The following EBF2 variants were observed in gnomAD, a reference collection of about 807,000 sequenced individuals.
EBF2 encodes the protein EBF transcription factor 2, also known as transcription factor COE2.
A neutral mutation model predicts 72.8 loss-of-function variants in EBF2; 21 were observed. The ratio of observed to expected loss-of-function variants is 0.29; its 90% CI spans 0.20 to 0.42. EBF2 has a LOEUF of 0.42. EBF2 is among the 10% of genes least tolerant of loss of function. EBF2 has a pLI of 1.00. For synonymous variants in EBF2, 299 were observed against 274.2 expected (o/e 1.09, Z -0.89); for missense variants, 637 against 731.2 (o/e 0.87, Z 1.49).
At chr8:25,943,231 C>T (rs765296023) in intron 6 of EBF2, among the ~76,000 whole-genome samples, 28 of 148,320 alleles carry the variant, frequency 1.9e-4, no homozygotes, top group Middle Eastern at 3.6e-3. Flanking sequence ...TTTTGGGAGG[C>T]CAAGGTGGAA....
At chr8:25,873,459 C>T (rs1802473149) in intron 10 of EBF2, among the ~76,000 whole-genome samples, 1 of 152,112 alleles carries the variant, frequency 6.6e-6, no homozygotes, top group African/African-American at 2.4e-5. Context: ...AATCTCTCCC[C>T]ACATCCATTT....
At chr8:26,027,657 G>A (rs1046331648) in intron 6 of EBF2, among the ~76,000 whole-genome samples, 2 of 21,054 alleles carry the variant, frequency 9.5e-5, no homozygotes, top group Non-Finnish European at 2.1e-4. Flanking sequence ...ACTCAAACAG[G>A]TACTCATATA....
chr8:25,937,232 C>CA (rs1343570384), intron 6 of EBF2, among the ~76,000 whole-genome samples: 1 of 152,106 alleles, frequency 6.6e-6, no homozygotes, highest in African/African-American at 2.4e-5. Context: ...GATGTTTTTC[C>CA]ATGGGTAACA....
chr8:25,921,295 T>C (rs776502442), intron 6 of EBF2, among the ~76,000 whole-genome samples: 2 of 152,236 alleles, frequency 1.3e-5, no homozygotes, highest in African/African-American at 4.8e-5. Context: ...CAGCCGACTT[T>C]CATTAGAATT....
chr8:25,881,169 A>G (rs1284511557), intron 10 of EBF2, among the ~76,000 whole-genome samples: 1 of 152,170 alleles, frequency 6.6e-6, no homozygotes, highest in Non-Finnish European at 1.5e-5. Flanking sequence ...AGCCAGAATG[A>G]TCTTTTAAAA....
In EBF2 at chr8:26,044,737, G is replaced by T. The variant is rs1173508376; in HGVS notation, c.123C>A (p.Ala41=). The T allele has an allele frequency of 6.2e-7, 1 of 1,614,034 alleles. No homozygotes were observed. Among genetic ancestry groups the T allele is most frequent in the Admixed American group, 1.7e-5 (1 of 60,006 alleles). The change falls in exon 1 of 16, where the codon GCC becomes GCA. Residue 41 remains alanine (A), a synonymous_variant. Transcript: ENST00000520164. The surrounding 1 kb of genome is among the most constrained non-coding windows in gnomAD (Gnocchi z 4.1). The part of the protein sequence containing the change: ...RNVGVVDANV[A]AQSGVALSRA... ...CGCGGCCGTGTCGTTACCTCTGCGCGGCGACATTAGCGTCCACCACTCCGA... is the reference window on the plus strand; with the variant it reads ...CGCGGCCGTGTCGTTACCTCTGCGCTGCGACATTAGCGTCCACCACTCCGA...
intron 6 of EBF2, among the ~76,000 whole-genome samples, chr8:25,978,172 A>G (rs887454827): frequency 1.3e-5 from 2 of 152,114 alleles, no homozygotes; most frequent in Admixed American, 1.3e-4. Context: ...TGCTCCGTCT[A>G]CCCCAAAAGG....
At chr8:25,851,981 A>C (rs576741676) in intron 14 of EBF2, among the ~76,000 whole-genome samples, 20 of 152,318 alleles carry the variant, frequency 1.3e-4, no homozygotes, top group Admixed American at 8.5e-4. Flanking sequence ...TACTTCCCAT[A>C]TGATGTCTTT....
chr8:25,951,840 G>A (rs1035362903), intron 6 of EBF2, among the ~76,000 whole-genome samples: 1 of 152,216 alleles, frequency 6.6e-6, no homozygotes, highest in Admixed American at 6.5e-5. Context: ...TGTATGCTAA[G>A]AGAAACAAGC....
chr8:25,880,230 T>C (rs1421833386), intron 10 of EBF2, among the ~76,000 whole-genome samples: 1 of 152,200 alleles, frequency 6.6e-6, no homozygotes, highest in Non-Finnish European at 1.5e-5. Context: ...TTCCCTTTAA[T>C]GCCTGGCATA....
At chr8:25,897,002 C>T (rs1802872204) in intron 7 of EBF2, among the ~76,000 whole-genome samples, 1 of 152,152 alleles carries the variant, frequency 6.6e-6, no homozygotes, top group Non-Finnish European at 1.5e-5. Flanking sequence ...TGGATTTTGT[C>T]ATTTTCTTTA....
At chr8:25,996,818 A>G (rs1384484909) in intron 6 of EBF2, among the ~76,000 whole-genome samples, 1 of 152,170 alleles carries the variant, frequency 6.6e-6, no homozygotes, top group African/African-American at 2.4e-5. Flanking sequence ...AGAGAACACA[A>G]AGGCAAGTAC....
chr8:25,858,047 G>C (rs758618116), intron 14 of EBF2: 39 of 591,184 alleles, frequency 6.6e-5, no homozygotes, highest in South Asian at 5.8e-4. Flanking sequence ...TTAATTCCTT[G>C]CTTCCACTTA....
At chr8:25,865,557 T>C (rs1464004828) in intron 10 of EBF2, among the ~76,000 whole-genome samples, 3 of 152,060 alleles carry the variant, frequency 2.0e-5, no homozygotes, top group Non-Finnish European at 4.4e-5. Flanking sequence ...ACTATTTCTA[T>C]AATGTCCTCA....
chr8:25,850,109 A>C (rs906644720), intron 15 of EBF2, among the ~76,000 whole-genome samples: 2 of 152,118 alleles, frequency 1.3e-5, no homozygotes, highest in African/African-American at 2.4e-5. Flanking sequence ...CTTACTTTTT[A>C]AAAAAATTTG....
intron 6 of EBF2, among the ~76,000 whole-genome samples, chr8:25,989,703 AT>A (rs1464233375): frequency 5.9e-5 from 9 of 152,184 alleles, no homozygotes; most frequent in African/African-American, 2.2e-4. Flanking sequence ...ATTGAAAGAC[AT>A]TGTGTATTCC....
intron 7 of EBF2, among the ~76,000 whole-genome samples, chr8:25,902,700 G>A (rs1802975542): frequency 6.6e-6 from 1 of 152,136 alleles, no homozygotes; most frequent in Non-Finnish European, 1.5e-5. Context: ...GGCAGGGTAG[G>A]GGCCTGCAGA....
At chr8:25,956,813 C>T (rs530152568) in intron 6 of EBF2, among the ~76,000 whole-genome samples, 3 of 152,206 alleles carry the variant, frequency 2.0e-5, no homozygotes, top group Non-Finnish European at 2.9e-5. Flanking sequence ...TCAGCGCTAA[C>T]ATTTAAACAG....
At chr8:25,956,938 A>G (rs538874509) in intron 6 of EBF2, among the ~76,000 whole-genome samples, 207 of 152,356 alleles carry the variant, frequency 1.4e-3, no homozygotes, top group African/African-American at 4.6e-3. Flanking sequence ...AACACCGCTC[A>G]TCTAGGGAAG....
Sources: allele counts gnomAD v4.1 joint callset (sites outside exome capture counted in the v4.1 genomes callset), GRCh38; gene constraint gnomAD v4.1.1; non-coding constraint Gnocchi (gnomAD v3.1); transcripts MANE v1.5; gene names NCBI Gene and HGNC (gene_info 2026-07-23, HGNC 2026-07-21).